The following LRPPRC variants were observed in gnomAD, a reference collection of about 807,000 sequenced individuals.
LRPPRC encodes leucine rich pentatricopeptide repeat containing.
In LRPPRC, 120 loss-of-function variants were observed where a neutral mutation model predicts 180.3. The observed-to-expected ratio is 0.67, with a 90% CI of 0.57 to 0.77. LRPPRC has a LOEUF of 0.77. Ranked by LOEUF, LRPPRC falls within the 30% of genes least tolerant of loss-of-function variation. The probability of loss-of-function intolerance (pLI) is 0.00; values close to 1 mark genes in which losing one functional copy is unlikely to be tolerated. For missense variants in LRPPRC, 2,012 were observed against 1,657.2 expected, an observed-to-expected ratio of 1.21 and a Z score of -3.72; for synonymous variants, 723 against 600.0, an observed-to-expected ratio of 1.21 and a Z score of -3.00.
At chr2:43,996,016 T>C, upstream of LRPPRC, 3 of 1,489,484 alleles carry the variant, frequency 2.0e-6, no homozygotes, top group Non-Finnish European at 2.7e-6. Flanking sequence ...GACCGCAGGG[T>C]AGCCTGGCGC....
chr2:43,946,623 G>A (rs1453835171), intron 20 of LRPPRC, among the ~76,000 whole-genome samples: 1 of 151,998 alleles, frequency 6.6e-6, no homozygotes, highest in Non-Finnish European at 1.5e-5. Context: ...TCTCAGTCTA[G>A]TTTAGTATCC....
chr2:43,957,962 AGT>A (rs1454371801), intron 13 of LRPPRC, among the ~76,000 whole-genome samples: 4 of 152,346 alleles, frequency 2.6e-5, no homozygotes, highest in African/African-American at 9.6e-5. Context: ...AACCACCTAA[AGT>A]AATAATAAAA....
intron 1 of LRPPRC, 27 bp from the exon 2 acceptor site, chr2:43,982,461 A>G (rs781583201): frequency 1.1e-5 from 17 of 1,536,560 alleles, no homozygotes; most frequent in Non-Finnish European, 1.5e-5. Context: ...AATTAATAAT[A>G]ATCAGTTGCT....
intron 11 of LRPPRC, among the ~76,000 whole-genome samples, chr2:43,970,348 AG>A (rs1305497307): frequency 6.6e-6 from 1 of 152,218 alleles, no homozygotes; most frequent in Non-Finnish European, 1.5e-5. Context: ...TCACTCGCTC[AG>A]GCAGCCTGAG....
chr2:43,915,683 G>A lies in LRPPRC; in HGVS notation c.3148+2342C>T, dbSNP rs919556208. Among the ~76,000 whole-genome samples, 9 of 152,132 alleles carry A rather than the reference G, an allele frequency of 5.9e-5. No individual in the cohort carries two copies. The South Asian group carries it at 8.3e-4, about 14-fold the overall frequency. On this transcript the variant is annotated intron_variant, in intron 29 of 37. Transcript: ENST00000260665. The stretch of plus-strand genomic sequence containing the variant: ...GACAGAGCAAGACTCCTTCTCAAAA[G>A]AAAATGACTCAGAATGAATAAAAAG...
At chr2:43,924,403 A>G (rs1462573904) in intron 27 of LRPPRC, among the ~76,000 whole-genome samples, 1 of 152,222 alleles carries the variant, frequency 6.6e-6, no homozygotes, top group Non-Finnish European at 1.5e-5. Context: ...CAGCCTCAAA[A>G]AACAGTTAAG....
At chr2:43,890,120 AG>A (rs908453519) in intron 36 of LRPPRC, 33 of 545,584 alleles carry the variant, frequency 6.0e-5, no homozygotes, top group African/African-American at 5.5e-4. Context: ...AAAGGACTTT[AG>A]AATAATATTG....
At position 43,946,103 on chromosome 2, in the gene LRPPRC, G is replaced by A. The variant is rs200747013; in HGVS notation, c.2210+10C>T. 63 of 1,611,974 alleles carry A rather than the reference G, an allele frequency of 3.9e-5. No homozygotes were observed. In the African/African-American group the frequency reaches 5.6e-4, roughly 14 times the overall value. Reference sequence around the variant, plus strand: ...ATGTTGACAACTTGTTTCAGTGCCAGGGTACTCACAATTCTTCTTTCAAGT... The same window carrying A: ...ATGTTGACAACTTGTTTCAGTGCCAAGGTACTCACAATTCTTCTTTCAAGT... On this transcript the variant is annotated intron_variant, in intron 21 of 37. Coordinates refer to ENST00000260665, the MANE Select transcript of LRPPRC (RefSeq NM_133259.4).
At chr2:43,976,935 C>T (rs1674083301) in intron 5 of LRPPRC, 59 bp downstream of exon 5, 3 of 1,356,522 alleles carry the variant, frequency 2.2e-6, no homozygotes, top group African/African-American at 1.4e-5. Flanking sequence ...AGTGAACAGA[C>T]ATTAGATTTA....
intron 33 of LRPPRC, 56 bp from the exon 34 acceptor site, chr2:43,899,390 T>G: frequency 6.2e-7 from 1 of 1,601,190 alleles, no homozygotes; most frequent in Non-Finnish European, 8.6e-7. Context: ...ATAACTCACC[T>G]ACCAAAGAAA....
chr2:43,971,397 G>A (rs1673797395), intron 11 of LRPPRC, among the ~76,000 whole-genome samples: 1 of 141,828 alleles, frequency 7.1e-6, no homozygotes, highest in African/African-American at 2.6e-5. Flanking sequence ...GGTTGGTGAT[G>A]GCTAAATTTG....
chr2:43,981,192 CTAAT>C (rs1213962091), intron 2 of LRPPRC, among the ~76,000 whole-genome samples: 2 of 151,920 alleles, frequency 1.3e-5, no homozygotes, highest in Admixed American at 1.3e-4. Flanking sequence ...TTTTTAGTAG[CTAAT>C]TGAAAATGAA....
At chr2:43,896,210 CTTTCTTTCTTTCTTTTTTTTTTTTT>C (rs1296018044) in intron 35 of LRPPRC, 1 of 125,698 alleles carries the variant, frequency 8.0e-6, no homozygotes, top group East Asian at 2.8e-4. Flanking sequence ...TTCTTTCTTT[CTTTCTTTCTTTCTTTTTTTTTTTTT>C]TTTTTTTTGT....
At chr2:43,972,492 G>A (rs1302643458) in intron 11 of LRPPRC, among the ~76,000 whole-genome samples, 1 of 152,126 alleles carries the variant, frequency 6.6e-6, no homozygotes, top group Non-Finnish European at 1.5e-5. Flanking sequence ...TGTAAAGGTG[G>A]ACAATACTAA....
Position 43,901,193 on chromosome 2 carries a change from T to G in LRPPRC, c.3569+127A>C, listed in dbSNP as rs1001738603. On this transcript the variant is annotated intron_variant, in intron 32 of 37. Transcript: ENST00000260665. ...ATATAATTATTCCCTAATCAGCAAC[T>G]AGCATCAACATTTCCTCTGCAGTTG... 1.0e-5 allele frequency: 7 copies of G among 702,920 alleles called. No homozygotes were observed. In the Admixed American group the frequency reaches 1.3e-4, roughly 13 times the overall value. 43.5% of individuals were successfully genotyped at this position (702,920 alleles called of 1,614,324 possible).
At chr2:43,932,123 C>CAAAAAA (rs746600862) in intron 25 of LRPPRC, among the ~76,000 whole-genome samples, 770 of 20,854 alleles carry the variant, frequency 0.037, 209 homozygotes, top group East Asian at 0.14. Flanking sequence ...GACCCTGTCT[C>CAAAAAA]AAAAAAAAAA....
chr2:43,910,370 G>T (rs1004766255), intron 30 of LRPPRC, among the ~76,000 whole-genome samples: 19 of 152,154 alleles, frequency 1.2e-4, no homozygotes, highest in African/African-American at 4.6e-4. Flanking sequence ...GAGTGGCTGG[G>T]ATTACAGGCG....
intron 34 of LRPPRC, among the ~76,000 whole-genome samples, chr2:43,897,043 T>C (rs889272753): frequency 4.6e-5 from 7 of 152,202 alleles, no homozygotes; most frequent in African/African-American, 1.4e-4. Flanking sequence ...CCAATTATAC[T>C]GCCAAGCATT....
intron 30 of LRPPRC, among the ~76,000 whole-genome samples, 165 bp from the exon 31 acceptor site, chr2:43,905,945 A>G (rs1183559319): frequency 6.6e-6 from 1 of 152,252 alleles, no homozygotes; most frequent in Non-Finnish European, 1.5e-5. Flanking sequence ...GTCAATGGTT[A>G]TAGAAGGATA....
Sources: gnomAD v4.1 joint callset for allele counts (sites outside exome capture counted in the v4.1 genomes callset) on GRCh38, gnomAD v4.1.1 for gene constraint, MANE v1.5 for transcripts, NCBI Gene and HGNC (gene_info 2026-07-23, HGNC 2026-07-21) for gene names.